DSCAM: variants seen among roughly 807,000 people sequenced by gnomAD.
DSCAM encodes the protein DS cell adhesion molecule.
A neutral mutation model predicts 217.7 loss-of-function variants in DSCAM; 47 were observed. The observed-to-expected ratio is 0.22, with a 90% CI of 0.17 to 0.28. The LOEUF (loss-of-function observed/expected upper bound fraction) is 0.28. Among genes scored for constraint, DSCAM ranks in the 10% least tolerant of loss-of-function variants. The pLI, the probability that DSCAM is intolerant of heterozygous loss-of-function variation, is 1.00. For synonymous variants in DSCAM, 1,056 were observed against 1,015.3 expected (o/e 1.04, Z -0.76); for missense variants, 2,080 against 2,618.3 (o/e 0.79, Z 4.49).
At chr21:40,367,797 G>A (rs1156477774) in intron 4 of DSCAM, among the ~76,000 whole-genome samples, 2 of 152,084 alleles carry the variant, frequency 1.3e-5, no homozygotes, top group Non-Finnish European at 2.9e-5. Flanking sequence ...GTGGCTTAGT[G>A]TATGATATTC....
At chr21:40,823,340 GTGAAATA>G (rs796862979) in intron 1 of DSCAM, among the ~76,000 whole-genome samples, 115 of 152,154 alleles carry the variant, frequency 7.6e-4, no homozygotes, top group African/African-American at 2.6e-3. Context: ...GGCTGCAGAT[GTGAAATA>G]TGAAATGAAT....
intron 3 of DSCAM, among the ~76,000 whole-genome samples, chr21:40,625,356 T>G (rs181199529): frequency 1.8e-3 from 275 of 152,304 alleles, no homozygotes; most frequent in African/African-American, 6.4e-3. Context: ...ACTTAAATTC[T>G]CCAGAAACCA....
At chr21:40,742,064 G>A (rs1486432550) in intron 1 of DSCAM, among the ~76,000 whole-genome samples, 5 of 152,130 alleles carry the variant, frequency 3.3e-5, no homozygotes, top group African/African-American at 1.2e-4. Context: ...GGCACCCTTC[G>A]TATCTTTATG....
At chr21:40,258,226 ATCT>A (rs1437450100) in intron 11 of DSCAM, among the ~76,000 whole-genome samples, 1 of 152,092 alleles carries the variant, frequency 6.6e-6, no homozygotes, top group Non-Finnish European at 1.5e-5. Flanking sequence ...CTTCCTGGAG[ATCT>A]TCTTCTATGT....
chr21:40,562,050 G>C (rs568890217), intron 3 of DSCAM, among the ~76,000 whole-genome samples: 1 of 152,218 alleles, frequency 6.6e-6, no homozygotes, highest in South Asian at 2.1e-4. Context: ...TCCTTATAAG[G>C]GATGGGTTCC....
At chr21:40,529,801 G>C (rs773825035) in intron 3 of DSCAM, among the ~76,000 whole-genome samples, 1 of 151,892 alleles carries the variant, frequency 6.6e-6, no homozygotes, top group African/African-American at 2.4e-5. Flanking sequence ...CATAACTCTT[G>C]GCTATCTATC....
chr21:40,209,115 A>C (rs2091156714), intron 11 of DSCAM, among the ~76,000 whole-genome samples: 1 of 152,138 alleles, frequency 6.6e-6, no homozygotes, highest in African/African-American at 2.4e-5. Flanking sequence ...ACAATGAGTG[A>C]TTCTCCCCTC....
At chr21:40,728,997 G>A (rs1032858232) in intron 1 of DSCAM, among the ~76,000 whole-genome samples, 3 of 152,128 alleles carry the variant, frequency 2.0e-5, no homozygotes, top group Non-Finnish European at 2.9e-5. Context: ...GACATGGGTC[G>A]CTAGCCCCGT....
chr21:40,397,588 T>C (rs1463051917), intron 3 of DSCAM, among the ~76,000 whole-genome samples: 2 of 152,086 alleles, frequency 1.3e-5, no homozygotes, highest in East Asian at 1.9e-4. Context: ...TATTTCTTTA[T>C]AGCAATTCAA....
chr21:40,811,164 CAG>C (rs764017669), intron 1 of DSCAM, among the ~76,000 whole-genome samples: 41 of 152,268 alleles, frequency 2.7e-4, no homozygotes, highest in Non-Finnish European at 3.8e-4. Context: ...CCAGAGAAGA[CAG>C]AGAGTCCAAT....
intron 32 of DSCAM, among the ~76,000 whole-genome samples, chr21:40,033,357 A>G (rs1187348333): frequency 6.6e-6 from 1 of 152,166 alleles, no homozygotes; most frequent in Non-Finnish European, 1.5e-5. Context: ...GCATTGCATC[A>G]CTCGGGAAGC....
chr21:40,043,921 C>T (rs1360448937), intron 31 of DSCAM, among the ~76,000 whole-genome samples, 157 bp downstream of exon 31: 1 of 152,218 alleles, frequency 6.6e-6, no homozygotes, highest in Non-Finnish European at 1.5e-5. Context: ...GTATTAGTAA[C>T]TGTTAGATAA....
At chr21:40,493,325 C>T (rs1000006602) in intron 3 of DSCAM, among the ~76,000 whole-genome samples, 1 of 152,084 alleles carries the variant, frequency 6.6e-6, no homozygotes, top group Non-Finnish European at 1.5e-5. Context: ...TTACAAGAAA[C>T]ACTAAAGGGA....
At chr21:40,132,661 G>A (rs1427166012) in intron 19 of DSCAM, among the ~76,000 whole-genome samples, 1 of 152,216 alleles carries the variant, frequency 6.6e-6, no homozygotes, top group Non-Finnish European at 1.5e-5. Context: ...GTGGATGCCT[G>A]GGGCTGCTCG....
intron 11 of DSCAM, among the ~76,000 whole-genome samples, chr21:40,216,105 T>G (rs1370944753): frequency 6.6e-6 from 1 of 152,034 alleles, no homozygotes; most frequent in East Asian, 1.9e-4. Context: ...AATGAGCCCT[T>G]TTTGTTTTGT....
intron 1 of DSCAM, among the ~76,000 whole-genome samples, chr21:40,787,291 T>A (rs2123451746): frequency 6.6e-6 from 1 of 152,304 alleles, no homozygotes; most frequent in East Asian, 1.9e-4. Flanking sequence ...CAATTACATC[T>A]TGCCGAATGA....
chr21:40,108,848 C>T (rs754627731), intron 20 of DSCAM, among the ~76,000 whole-genome samples: 1 of 152,098 alleles, frequency 6.6e-6, no homozygotes, highest in Admixed American at 6.6e-5. Flanking sequence ...TAAGACTGCA[C>T]ATCTACAACT....
At chr21:40,360,121 GTCTTTTTTTTTT>G (rs1157777830) in intron 4 of DSCAM, among the ~76,000 whole-genome samples, 3 of 82,656 alleles carry the variant, frequency 3.6e-5, no homozygotes, top group South Asian at 4.1e-4. Context: ...TTCATAGGTA[GTCTTTTTTTTTT>G]TTTTTTTTTT....
At chr21:40,615,599 T>C (rs978797149) in intron 3 of DSCAM, 2 of 152,172 alleles carry the variant, frequency 1.3e-5, no homozygotes, top group Admixed American at 1.3e-4. Flanking sequence ...GTGATATTGC[T>C]TCCTAAGAGA....
Sources: allele counts gnomAD v4.1 joint callset (sites outside exome capture counted in the v4.1 genomes callset), GRCh38; gene constraint gnomAD v4.1.1; transcripts MANE v1.5; gene names NCBI Gene and HGNC (gene_info 2026-07-23, HGNC 2026-07-21).